Variants in MEI4 observed in about 807,000 individuals in gnomAD.
MEI4 encodes meiosis-specific protein MEI4.
MEI4 carries 27 observed loss-of-function variants against 31.4 expected under a neutral mutation model. That is an observed-to-expected ratio of 0.86 (90% CI 0.63 to 1.19). The LOEUF is 1.19. MEI4 is among the 50% of genes most tolerant of loss of function. The pLI, the probability that MEI4 is intolerant of heterozygous loss-of-function variation, is 0.00. For missense variants in MEI4, 329 were observed against 398.9 expected, an observed-to-expected ratio of 0.82 and a Z score of 1.49; for synonymous variants, 122 against 145.4, an observed-to-expected ratio of 0.84 and a Z score of 1.16.
At chr6:77,776,440 C>T (rs530933030) in intron 3 of MEI4, among the ~76,000 whole-genome samples, 97 of 152,234 alleles carry the variant, frequency 6.4e-4, no homozygotes, top group African/African-American at 1.6e-3. Context: ...GGTATAGAAA[C>T]TTGGTGCATT....
chr6:77,790,016 C>A (rs186111839), intron 3 of MEI4, among the ~76,000 whole-genome samples: 146 of 152,036 alleles, frequency 9.6e-4, no homozygotes, highest in African/African-American at 3.2e-3. Context: ...AAATGTCCAA[C>A]AATGATAGAC....
At position 77,747,101 on chromosome 6, in the gene MEI4, C is replaced by A. The variant is rs570592700; in HGVS notation, c.233-14029C>A. Among the ~76,000 whole-genome samples, 770 of 152,178 alleles carry A rather than the reference C, an allele frequency of 5.1e-3. 2 individuals carry two copies. Among genetic ancestry groups the A allele is most frequent in the Middle Eastern group, 0.017 (5 of 294 alleles). ...CTGAGGCGGGCAGATCACCTGATAT[C>A]AGGAGTTCAAGACCAGCCTGACTAA... On this transcript the variant is annotated intron_variant, in intron 2 of 4. Coordinates refer to ENST00000684080, the MANE Select transcript of MEI4 (RefSeq NM_001322247.2).
At chr6:77,790,083 T>A (rs1768874791) in intron 3 of MEI4, among the ~76,000 whole-genome samples, 1 of 151,650 alleles carries the variant, frequency 6.6e-6, no homozygotes, top group African/African-American at 2.4e-5. Context: ...CCATAAAAAA[T>A]GATGAGTTCA....
At chr6:77,915,097 T>G (rs947628743) in intron 4 of MEI4, among the ~76,000 whole-genome samples, 14 of 152,128 alleles carry the variant, frequency 9.2e-5, no homozygotes, top group African/African-American at 3.1e-4. Flanking sequence ...GCCATTTTAC[T>G]AATTGGTTTC....
intron 1 of MEI4, among the ~76,000 whole-genome samples, chr6:77,688,664 T>C (rs1315771433): frequency 2.0e-5 from 3 of 152,162 alleles, no homozygotes; most frequent in Non-Finnish European, 4.4e-5. Context: ...ACTGTTTTTC[T>C]AGTTTTTTCT....
intron 4 of MEI4, among the ~76,000 whole-genome samples, chr6:77,841,328 T>TATAC (rs1770354583): frequency 1.4e-5 from 1 of 70,248 alleles, no homozygotes; most frequent in African/African-American, 7.3e-5. Flanking sequence ...TATATATATA[T>TATAC]ATATATTTTT....
At chr6:77,921,907 C>G (rs1331930715) in intron 4 of MEI4, among the ~76,000 whole-genome samples, 1 of 151,702 alleles carries the variant, frequency 6.6e-6, no homozygotes, top group Non-Finnish European at 1.5e-5. Context: ...TTGCAGATCA[C>G]TGTAACAGAT....
chr6:77,728,181 TA>T lies in MEI4; in HGVS notation c.233-32942del, dbSNP rs570218037. ...GATGATTATATAGGTAACTGAAAGT[TA>T]AAAAAATATTTTTCAATACAATAAT... On this transcript the variant is annotated intron_variant, in intron 2 of 4. Coordinates refer to ENST00000684080, the MANE Select transcript of MEI4 (RefSeq NM_001322247.2). Among the ~76,000 whole-genome samples the T allele has an allele frequency of 1.4e-3, 214 of 152,258 alleles. 1 individual carries two copies. The highest frequency in any genetic ancestry group is 4.5e-3 in the African/African-American group (187 of 41,552).
chr6:77,909,073 C>A (rs190888800), intron 4 of MEI4, among the ~76,000 whole-genome samples: 333 of 152,228 alleles, frequency 2.2e-3, no homozygotes, highest in African/African-American at 7.3e-3. Flanking sequence ...CCACACCACA[C>A]CTATTCCAAA....
At chr6:77,777,656 G>C (rs1185409309) in intron 3 of MEI4, among the ~76,000 whole-genome samples, 1 of 152,162 alleles carries the variant, frequency 6.6e-6, no homozygotes, top group Non-Finnish European at 1.5e-5. Flanking sequence ...CTTCTAGTTA[G>C]CTTTCAGTCC....
chr6:77,858,907 T>TAA (rs71546075), intron 4 of MEI4, among the ~76,000 whole-genome samples: 2 of 82,952 alleles, frequency 2.4e-5, no homozygotes, highest in South Asian at 3.3e-4. Flanking sequence ...TAGTTTCTTC[T>TAA]AAAAAAAAAA....
At chr6:77,804,366 A>G (rs944023176) in intron 3 of MEI4, among the ~76,000 whole-genome samples, 1 of 152,088 alleles carries the variant, frequency 6.6e-6, no homozygotes, top group Non-Finnish European at 1.5e-5. Context: ...CCTTTCTTTG[A>G]TTAGGAAAGG....
intron 4 of MEI4, among the ~76,000 whole-genome samples, chr6:77,856,953 T>C (rs1770760782): frequency 6.6e-6 from 1 of 152,218 alleles, no homozygotes; most frequent in Non-Finnish European, 1.5e-5. Context: ...TGCATTATGC[T>C]AATCTCCTTA....
At chr6:77,671,614 CTATT>C (rs1262845800) in intron 1 of MEI4, among the ~76,000 whole-genome samples, 2 of 152,100 alleles carry the variant, frequency 1.3e-5, no homozygotes, top group African/African-American at 2.4e-5. Flanking sequence ...ATTGCATTTT[CTATT>C]TATTAACTCA....
chr6:77,826,851 C>G, intron 3 of MEI4, among the ~76,000 whole-genome samples: 1 of 152,152 alleles, frequency 6.6e-6, no homozygotes, highest in East Asian at 1.9e-4. Context: ...CAAGTTCCTC[C>G]TATCTTCTGC....
At chr6:77,903,657 T>C (rs1430797035) in intron 4 of MEI4, among the ~76,000 whole-genome samples, 2 of 152,148 alleles carry the variant, frequency 1.3e-5, no homozygotes, top group African/African-American at 2.4e-5. Context: ...TTGATTATGA[T>C]GTTAACTATG....
intron 4 of MEI4, among the ~76,000 whole-genome samples, chr6:77,892,555 G>A (rs545370321): frequency 7.9e-5 from 12 of 152,150 alleles, no homozygotes; most frequent in Admixed American, 7.2e-4. Context: ...ACTGCTGGAG[G>A]GGGCAGGGTT....
chr6:77,651,829 G>A (rs1215345949), upstream of MEI4, among the ~76,000 whole-genome samples: 1 of 152,124 alleles, frequency 6.6e-6, no homozygotes, highest in Admixed American at 6.5e-5. Context: ...ATAACCATGA[G>A]TATGTTTTTT....
At chr6:77,736,815 G>A (rs544943343) in intron 2 of MEI4, among the ~76,000 whole-genome samples, 10 of 152,094 alleles carry the variant, frequency 6.6e-5, no homozygotes, top group African/African-American at 2.2e-4. Flanking sequence ...AGATACTAAC[G>A]TTCAGAGGAG....
Sources: allele counts gnomAD v4.1 joint callset (sites outside exome capture counted in the v4.1 genomes callset), GRCh38; gene constraint gnomAD v4.1.1; transcripts MANE v1.5; gene names NCBI Gene and HGNC (gene_info 2026-07-23, HGNC 2026-07-21).